Variants in ANK1 observed in about 807,000 individuals in gnomAD.
The protein encoded by ANK1 is ankyrin-1.
In ANK1, 51 loss-of-function variants were observed where a neutral mutation model predicts 210.4. The ratio of observed to expected loss-of-function variants is 0.24; its 90% confidence interval spans 0.19 to 0.31. ANK1 has a LOEUF of 0.31. Ranked by LOEUF, ANK1 falls within the 10% of genes least tolerant of loss-of-function variation. The pLI, the probability that ANK1 is intolerant of heterozygous loss-of-function variation, is 1.00. For synonymous variants in ANK1, 967 were observed against 1,025.9 expected (o/e 0.94, Z 1.10); for missense variants, 2,051 against 2,504.4 (o/e 0.82, Z 3.86).
At chr8:41,714,708 TAA>T (rs2150633064) in intron 15 of ANK1, among the ~76,000 whole-genome samples, 1 of 152,184 alleles carries the variant, frequency 6.6e-6, no homozygotes, top group Non-Finnish European at 1.5e-5. Flanking sequence ...ATTGTTTTTT[TAA>T]GTTAGCCGGG....
chr8:41,853,011 T>C (rs1811542976), intron 1 of ANK1, among the ~76,000 whole-genome samples: 2 of 152,164 alleles, frequency 1.3e-5, no homozygotes, highest in Non-Finnish European at 2.9e-5. Context: ...AGACTCAAAA[T>C]ACAAAAATCC....
intron 38 of ANK1, 107 bp from the exon 39 acceptor site, chr8:41,668,671 GC>G: frequency 8.0e-7 from 1 of 1,255,362 alleles, no homozygotes; most frequent in Non-Finnish European, 1.1e-6. Flanking sequence ...CAGAGCTCTG[GC>G]TCATCAAGGA....
chr8:41,718,159 G>T lies in ANK1; in HGVS notation c.1153C>A (p.Arg385Ser), dbSNP rs142626656. Residue 385 changes from arginine (R) to serine (S), a missense_variant, in exon 11 of 43, where the codon CGT becomes AGT. Arg to Ser is a moderately radical substitution (Grantham distance 110, BLOSUM62 -1). Coordinates refer to ENST00000289734, the MANE Select transcript of ANK1 (RefSeq NM_000037.4). ...LHIACKKNHV[R>S]VMELLLKTGA... ...GTCTTCAGCAGCAGCTCCATGACACGGACGTGGTTCTTTTTGCAGGCGATG... is the reference window on the plus strand; with the variant it reads ...GTCTTCAGCAGCAGCTCCATGACACTGACGTGGTTCTTTTTGCAGGCGATG... 2.5e-6 allele frequency: 4 copies of T among 1,614,030 alleles called. No homozygotes were observed. Among genetic ancestry groups the T allele is most frequent in the Non-Finnish European group, 2.5e-6 (3 of 1,180,010 alleles).
chr8:41,896,164 C>A (rs1820486877), intron 1 of ANK1, among the ~76,000 whole-genome samples: 1 of 152,204 alleles, frequency 6.6e-6, no homozygotes, highest in South Asian at 2.1e-4. Context: ...GCCTGCCGCC[C>A]TGTCCCCTTC....
rs905567213 is a variant in ANK1, at chr8:41,694,952, A to G, written c.3116-149T>C. The stretch of plus-strand genomic sequence containing the variant: ...CATAGTGGCCAGAAGAAGTGGCCAG[A>G]AGAAGTGCCCAGGCCCAGAGGCCCA... On this transcript the variant is annotated intron_variant, in intron 27 of 42. Coordinates refer to ENST00000289734, the MANE Select transcript of ANK1 (RefSeq NM_000037.4). This position sits in a 1 kb window ranked among gnomAD's most constrained non-coding sequence, Gnocchi z 5.7. The G allele has an allele frequency of 1.9e-6, 2 of 1,067,964 alleles. No individual in the cohort carries two copies. The highest frequency in any genetic ancestry group is 3.7e-5 in the Admixed American group (2 of 53,812). 66.2% of individuals were successfully genotyped at this position (1,067,964 alleles called of 1,614,324 possible). A position where few individuals can be genotyped will look rare whatever the true frequency, so the allele number is the denominator to read the frequency against.
chr8:41,714,902 G>T, intron 15 of ANK1, 74 bp downstream of exon 15: 1 of 1,404,572 alleles, frequency 7.1e-7, no homozygotes, highest in Non-Finnish European at 1.0e-6. Flanking sequence ...GATGGAATCT[G>T]CAAGTGCTGA....
At chr8:41,718,258 G>C (rs962904582) in intron 10 of ANK1, 54 bp from the exon 11 acceptor site, 3 of 1,578,054 alleles carry the variant, frequency 1.9e-6, no homozygotes, top group Admixed American at 1.7e-5. Context: ...ACGGGCCCAA[G>C]GAACGCCCAG....
At chr8:41,732,532 C>T (rs917262702) in intron 3 of ANK1, among the ~76,000 whole-genome samples, 1 of 151,996 alleles carries the variant, frequency 6.6e-6, no homozygotes, top group Non-Finnish European at 1.5e-5. Context: ...CCTGCCTCAG[C>T]TTCCCGAGTA....
At chr8:41,727,720 G>T (rs1032151755) in intron 4 of ANK1, among the ~76,000 whole-genome samples, 188 bp downstream of exon 4, 1 of 152,158 alleles carries the variant, frequency 6.6e-6, no homozygotes, top group African/African-American at 2.4e-5. Flanking sequence ...TAGGACACGC[G>T]GTCTATGCAT....
At chr8:41,754,028 T>C (rs1315497449) in intron 2 of ANK1, among the ~76,000 whole-genome samples, 5 of 152,238 alleles carry the variant, frequency 3.3e-5, no homozygotes, top group Admixed American at 3.3e-4. Context: ...AGTCCTCTCA[T>C]ATACTCTCTG....
At chr8:41,658,009 G>A (rs908882353) in intron 42 of ANK1, among the ~76,000 whole-genome samples, 7 of 152,160 alleles carry the variant, frequency 4.6e-5, no homozygotes, top group African/African-American at 1.7e-4. Flanking sequence ...AGTTTCCCAA[G>A]AAACTGGAAC....
intron 16 of ANK1, among the ~76,000 whole-genome samples, chr8:41,709,754 G>A (rs546386982): frequency 6.6e-6 from 1 of 152,260 alleles, no homozygotes; most frequent in Admixed American, 6.5e-5. Flanking sequence ...GGGCAACATA[G>A]CTAGACCCTA....
chr8:41,685,506 T>C (rs1376555768), intron 36 of ANK1, among the ~76,000 whole-genome samples: 1 of 152,230 alleles, frequency 6.6e-6, no homozygotes, highest in African/African-American at 2.4e-5. Flanking sequence ...TGGTTCAGAC[T>C]GGGGTCCAGC....
intron 16 of ANK1, among the ~76,000 whole-genome samples, chr8:41,712,350 C>T (rs929949284): frequency 6.6e-6 from 1 of 152,238 alleles, no homozygotes; most frequent in South Asian, 2.1e-4. Flanking sequence ...CAAGGCCAGC[C>T]CCCTGTCCTG....
intron 16 of ANK1, among the ~76,000 whole-genome samples, chr8:41,710,297 A>G (rs1476508027): frequency 6.6e-6 from 1 of 152,064 alleles, no homozygotes; most frequent in East Asian, 1.9e-4. Context: ...TTATTATCCT[A>G]TTGTGTGGAG....
At chr8:41,848,828 A>G (rs1484047382) in intron 1 of ANK1, among the ~76,000 whole-genome samples, 1 of 152,134 alleles carries the variant, frequency 6.6e-6, no homozygotes, top group Non-Finnish European at 1.5e-5. Flanking sequence ...CATCAAGTCC[A>G]AGCAGGGAGT....
intron 1 of ANK1, among the ~76,000 whole-genome samples, chr8:41,878,241 C>T (rs1297427202): frequency 6.6e-6 from 1 of 152,208 alleles, no homozygotes; most frequent in East Asian, 1.9e-4. Context: ...ACCGGGAAGA[C>T]AGTACCCGAA....
chr8:41,767,249 C>A (rs929350014), intron 1 of ANK1, among the ~76,000 whole-genome samples: 2 of 151,970 alleles, frequency 1.3e-5, no homozygotes, highest in African/African-American at 4.8e-5. Flanking sequence ...GAGCCACAAC[C>A]CGCAGGACGG....
In ANK1 at chr8:41,694,284, T is replaced by C. The variant is rs1275303113; in HGVS notation, c.3328-182A>G. 6.6e-6 allele frequency among the ~76,000 whole-genome samples: 1 copy of C among 152,168 alleles called. No homozygotes were observed. Among genetic ancestry groups the C allele is most frequent in the Non-Finnish European group, 1.5e-5 (1 of 68,020 alleles). ...GCCCTTTCTCCCCTTCTCCTCTGCT[T>C]CTTACTCCCAGGGCTGGTGCATCTT... On this transcript the variant is annotated intron_variant, in intron 28 of 42. Transcript: ENST00000289734. This position sits in a 1 kb window ranked among gnomAD's most constrained non-coding sequence, Gnocchi z 5.7.
Sources: allele counts gnomAD v4.1 joint callset (sites outside exome capture counted in the v4.1 genomes callset), GRCh38; gene constraint gnomAD v4.1.1; non-coding constraint Gnocchi (gnomAD v3.1); transcripts MANE v1.5; gene names NCBI Gene and HGNC (gene_info 2026-07-23, HGNC 2026-07-21).